Variants in SLC46A2 observed in about 807,000 individuals in gnomAD.
SLC46A2 encodes the protein thymic stromal co-transporter.
A neutral mutation model predicts 33.1 loss-of-function variants in SLC46A2; 25 were observed. That is an observed-to-expected ratio of 0.76 (90% CI 0.55 to 1.06). The LOEUF (loss-of-function observed/expected upper bound fraction) is 1.06, where lower values mean the gene tolerates loss of function less well. Ranked by LOEUF, SLC46A2 falls within the 50% of genes least tolerant of loss-of-function variation. The probability of loss-of-function intolerance (pLI) is 0.00; values close to 1 mark genes in which losing one functional copy is unlikely to be tolerated. For synonymous variants in SLC46A2, 254 were observed against 275.9 expected, an observed-to-expected ratio of 0.92 and a Z score of 0.79; for missense variants, 622 against 621.7, an observed-to-expected ratio of 1.00 and a Z score of 0.00.
Position 112,890,232 on chromosome 9 carries a change from G to A in SLC46A2, c.450C>T (p.Ser150=), listed in dbSNP as rs1300430475. ...GCGCCATGACCCCGGACCAGAAGGC[G>A]GAGAAGCCGCCGAATAGCCCGTTCA... ...AALNGLFGGF[S]AFWSGVMALG... is the part of the protein sequence containing the mutation. The change falls in exon 1 of 4, where the codon TCC becomes TCT. Residue 150 remains serine (S), a synonymous_variant. Coordinates refer to ENST00000374228, the MANE Select transcript of SLC46A2 (RefSeq NM_033051.4). The surrounding 1 kb of genome is among the most constrained non-coding windows in gnomAD (Gnocchi z 6.0). The A allele has an allele frequency of 1.2e-6, 2 of 1,612,978 alleles. No individual in the cohort carries two copies. The highest frequency in any genetic ancestry group is 2.2e-5 in the East Asian group (1 of 44,896).
chr9:112,889,440 C>G (rs1380831035), intron 1 of SLC46A2, 113 bp downstream of exon 1: 1 of 1,099,970 alleles, frequency 9.1e-7, no homozygotes, highest in Middle Eastern at 2.3e-4. Flanking sequence ...TCCTAGGTAG[C>G]AGGTTCAATC....
At position 112,889,635 on chromosome 9, in the gene SLC46A2, G is replaced by A; in HGVS notation, c.1047C>T (p.Thr349=). 6.2e-7 allele frequency: 1 copy of A among 1,614,162 alleles called. No individual in the cohort carries two copies. The highest frequency in any genetic ancestry group is 8.5e-7 in the Non-Finnish European group (1 of 1,180,014). ...LVFSRCFRDT[T]MIMIGMVSFG... ...AGGAGACCATCCCAATCATGATCATGGTGGTGTCCCGAAAGCAGCGGGAGA... is the reference window on the plus strand; with the variant it reads ...AGGAGACCATCCCAATCATGATCATAGTGGTGTCCCGAAAGCAGCGGGAGA... The change falls in exon 1 of 4, where the codon ACC becomes ACT. Residue 349 remains threonine, a synonymous_variant. Coordinates refer to ENST00000374228, the MANE Select transcript of SLC46A2 (RefSeq NM_033051.4).
chr9:112,879,822 G>A lies in SLC46A2; in HGVS notation c.1371-3C>T, dbSNP rs1221180144. On this transcript the variant is annotated splice_region_variant and splice_polypyrimidine_tract_variant and intron_variant, in intron 3 of 3. Coordinates refer to ENST00000374228, the MANE Select transcript of SLC46A2 (RefSeq NM_033051.4). ...GGACTTGTTTATAGGCCACGATGCT[G>A]TAAGAATTGACCATAGAGAGTTACA... 2 of 1,612,366 alleles carry A rather than the reference G, an allele frequency of 1.2e-6. No individual in the cohort carries two copies. The highest frequency in any genetic ancestry group is 1.7e-6 in the Non-Finnish European group (2 of 1,178,606).
At chr9:112,888,042 C>T (rs1270088233) in intron 1 of SLC46A2, among the ~76,000 whole-genome samples, 1 of 152,078 alleles carries the variant, frequency 6.6e-6, no homozygotes, top group East Asian at 1.9e-4. Context: ...CTCTGGGAGG[C>T]CGAGGCGGGT....
At position 112,889,967 on chromosome 9, in the gene SLC46A2, C is replaced by G. The variant is rs756163662; in HGVS notation, c.715G>C (p.Glu239Gln). Residue 239 changes from glutamate to glutamine, a missense_variant, in exon 1 of 4, where the codon GAG (glutamate) becomes CAG (glutamine). Coordinates refer to ENST00000374228, the MANE Select transcript of SLC46A2 (RefSeq NM_033051.4). ...GACACGGTATCCACGGCGGGGAGCT[C>G]CTGGCTGGGTTTGGCCACCGACTCA... ...VPESVAKPSQ[E>Q]LPAVDTVSGT... is the part of the protein sequence containing the mutation. 6.2e-7 allele frequency: 1 copy of G among 1,614,152 alleles called. No individual in the cohort carries two copies. The highest frequency in any genetic ancestry group is 8.5e-7 in the Non-Finnish European group (1 of 1,179,992).
chr9:112,890,801 C>T lies in SLC46A2; in HGVS notation c.-120G>A. 2 of 779,904 alleles carry T rather than the reference C, an allele frequency of 2.6e-6. No homozygotes were observed. Among genetic ancestry groups the T allele is most frequent in the Non-Finnish European group, 3.5e-6 (2 of 564,228 alleles). The allele number at this position is 779,904 out of a possible 1,614,324, so 48.3% of individuals were successfully genotyped here. ...CGGAGCGCGAGTGTGCTCCGTGCGC[C>T]GGGAGCGCGAGTGTGCTCCGTGCGC... is the stretch of plus-strand genomic sequence containing the variant. On this transcript the variant is annotated 5_prime_UTR_variant, in exon 1 of 4. Transcript: ENST00000374228. This position sits in a 1 kb window ranked among gnomAD's most constrained non-coding sequence, Gnocchi z 6.0.
At position 112,887,320 on chromosome 9, in the gene SLC46A2, C is replaced by T. The variant is rs755128838; in HGVS notation, c.1213+10G>A. 1.9e-6 allele frequency: 3 copies of T among 1,610,950 alleles called. No individual in the cohort carries two copies. Among genetic ancestry groups the T allele is most frequent in the South Asian group, 1.1e-5 (1 of 90,494 alleles). On this transcript the variant is annotated intron_variant, in intron 2 of 3. Transcript: ENST00000374228. ...CAGAAGATTCCAGAGAGATTCTGTT[C>T]ACTACTCACCATAAGAGGAGCCCTT...
intron 2 of SLC46A2, 41 bp downstream of exon 2, chr9:112,887,289 C>T (rs966455620): frequency 1.9e-6 from 3 of 1,591,402 alleles, no homozygotes; most frequent in African/African-American, 2.7e-5. Context: ...TCTGAAACAG[C>T]CCGGGCAGAA....
chr9:112,887,842 G>A (rs1841663543), intron 1 of SLC46A2, among the ~76,000 whole-genome samples: 1 of 152,118 alleles, frequency 6.6e-6, no homozygotes, highest in Non-Finnish European at 1.5e-5. Flanking sequence ...CTCCAGCAAT[G>A]TGTCCCATGA....
intron 3 of SLC46A2, 110 bp from the exon 4 acceptor site, chr9:112,879,929 ATAGG>A: frequency 1.0e-6 from 1 of 960,724 alleles, no homozygotes; most frequent in Non-Finnish European, 1.7e-6. Flanking sequence ...AGGCAAAATC[ATAGG>A]TAGGCATTGA....
At position 112,886,559 on chromosome 9, in the gene SLC46A2, G is replaced by GTA; in HGVS notation, c.1270_1271insTA (p.Thr424IlefsTer51). Reference sequence around the variant, plus strand: ...GAGCTGGTAGATCTTGTTGTACAAGGTGGATGTCACCACGCCGGTCAGAGC... The same window carrying GTA: ...GAGCTGGTAGATCTTGTTGTACAAGGTATGGATGTCACCACGCCGGTCAGAGC... On this transcript the variant is annotated frameshift_variant, in exon 3 of 4. Coordinates refer to ENST00000374228, the MANE Select transcript of SLC46A2 (RefSeq NM_033051.4). LOFTEE classifies it high-confidence loss of function. The GTA allele has an allele frequency of 6.2e-7, 1 of 1,614,134 alleles. No homozygotes were observed.
At position 112,887,322 on chromosome 9, in the gene SLC46A2, C is replaced by G. The variant is rs767754462; in HGVS notation, c.1213+8G>C. The G allele has an allele frequency of 1.2e-6, 2 of 1,611,534 alleles. No individual in the cohort carries two copies. Among genetic ancestry groups the G allele is most frequent in the Non-Finnish European group, 8.5e-7 (1 of 1,178,882 alleles). On this transcript the variant is annotated splice_region_variant and intron_variant, in intron 2 of 3. Transcript: ENST00000374228. ...GAAGATTCCAGAGAGATTCTGTTCA[C>G]TACTCACCATAAGAGGAGCCCTTTA...
Position 112,890,325 on chromosome 9 carries a change from G to A in SLC46A2, c.357C>T (p.Ser119=), listed in dbSNP as rs142789300. 4.7e-3 allele frequency: 7,555 copies of A among 1,613,886 alleles called. 24 individuals carry two copies. The highest frequency in any genetic ancestry group is 5.9e-3 in the Non-Finnish European group (6,907 of 1,180,000). ...ICMSLLGFLL[S]RLGLLLKVLL... is the part of the protein sequence containing the mutation. Reference sequence around the variant, plus strand: ...GCACCTTGAGCAGCAGCCCGAGGCGGGAGAGCAGGAAGCCCAGCAGCGACA... The same window carrying A: ...GCACCTTGAGCAGCAGCCCGAGGCGAGAGAGCAGGAAGCCCAGCAGCGACA... The change falls in exon 1 of 4, where the codon TCC becomes TCT. Residue 119 remains serine (S), a synonymous_variant. Transcript: ENST00000374228. The surrounding 1 kb of genome is among the most constrained non-coding windows in gnomAD (Gnocchi z 6.0).
chr9:112,886,416 C>T lies in SLC46A2; in HGVS notation c.1370+44G>A, dbSNP rs1841642531. 8 of 1,607,078 alleles carry T rather than the reference C, an allele frequency of 5.0e-6. No individual in the cohort carries two copies. The East Asian group carries it at 1.8e-4, about 36-fold the overall frequency. ...AAGGTCCAACATTCCTTGACCTAAGCATCAGGGTCCCAGCCCAAGCAGCAG... is the reference window on the plus strand; with the variant it reads ...AAGGTCCAACATTCCTTGACCTAAGTATCAGGGTCCCAGCCCAAGCAGCAG... On this transcript the variant is annotated intron_variant, in intron 3 of 3. Coordinates refer to ENST00000374228, the MANE Select transcript of SLC46A2 (RefSeq NM_033051.4).
In SLC46A2 at chr9:112,890,420, A is replaced by G; in HGVS notation, c.262T>C (p.Ser88Pro). 8 of 1,614,130 alleles carry G rather than the reference A, an allele frequency of 5.0e-6. No homozygotes were observed. Among genetic ancestry groups the G allele is most frequent in the Non-Finnish European group, 6.8e-6 (8 of 1,180,024 alleles). Residue 88 changes from serine (S) to proline (P), a missense_variant, in exon 1 of 4, where the codon TCC becomes CCC. By Grantham distance (74) the Ser-to-Pro change is moderately conservative. Transcript: ENST00000374228. This position sits in a 1 kb window ranked among gnomAD's most constrained non-coding sequence, Gnocchi z 6.0. ...AGCCCGTAGGCGGACAGCAGGGGGG[A>G]CAGGCCCACCACAAGGTTGTAGATA... ...YIIYNLVVGL[S>P]PLLSAYGLGW...
chr9:112,879,037 C>T lies in SLC46A2; in HGVS notation c.*725G>A, dbSNP rs1195650832. 6.6e-6 allele frequency: 1 copy of T among 152,156 alleles called. No individual in the cohort carries two copies. The highest frequency in any genetic ancestry group is 1.5e-5 in the Non-Finnish European group (1 of 68,044). 9.4% of individuals were successfully genotyped at this position (152,156 alleles called of 1,614,324 possible). A position where few individuals can be genotyped will look rare whatever the true frequency, so the allele number is the denominator to read the frequency against. ...TAATGTACCTCCTCTTCCTTCACAC[C>T]ACCCACTTTGGGAAGCACTGTTGAC... is the stretch of plus-strand genomic sequence containing the variant. On this transcript the variant is annotated 3_prime_UTR_variant, in exon 4 of 4. Transcript: ENST00000374228.
chr9:112,886,410 C>G (rs370864234), intron 3 of SLC46A2, 50 bp downstream of exon 3: 10 of 1,601,038 alleles, frequency 6.2e-6, no homozygotes, highest in Non-Finnish European at 8.6e-6. Flanking sequence ...CATTCCTTGA[C>G]CTAAGCATCA....
rs968230742 is a variant in SLC46A2 at position 112,890,871 on chromosome 9, G to A, written c.-190C>T. 7.2e-6 allele frequency: 5 copies of A among 689,878 alleles called. No homozygotes were observed. Among genetic ancestry groups the A allele is most frequent in the Non-Finnish European group, 9.2e-6 (4 of 433,246 alleles). 42.7% of individuals were successfully genotyped at this position (689,878 alleles called of 1,614,324 possible). A position where few individuals can be genotyped will look rare whatever the true frequency, so the allele number is the denominator to read the frequency against. ...GGCGAGCAGAGCCAGGGCACGCAGCGCCTGTGACAGCAGCCCGCCCAGCAG... is the reference window on the plus strand; with the variant it reads ...GGCGAGCAGAGCCAGGGCACGCAGCACCTGTGACAGCAGCCCGCCCAGCAG... On this transcript the variant is annotated 5_prime_UTR_variant, in exon 1 of 4. Coordinates refer to ENST00000374228, the MANE Select transcript of SLC46A2 (RefSeq NM_033051.4). The surrounding 1 kb of genome is among the most constrained non-coding windows in gnomAD (Gnocchi z 6.0).
chr9:112,887,436 A>G, intron 1 of SLC46A2, 23 bp from the exon 2 acceptor site: 2 of 1,580,756 alleles, frequency 1.3e-6, no homozygotes, highest in South Asian at 1.2e-5. Flanking sequence ...ACACAAGAAC[A>G]CTCCTTGCTG....
Sources: allele counts gnomAD v4.1 joint callset (sites outside exome capture counted in the v4.1 genomes callset), GRCh38; gene constraint gnomAD v4.1.1; non-coding constraint Gnocchi (gnomAD v3.1); transcripts MANE v1.5; gene names NCBI Gene and HGNC (gene_info 2026-07-23, HGNC 2026-07-21).